SPANXN4: variants seen among roughly 807,000 people sequenced by gnomAD.
SPANXN4 encodes sperm protein associated with the nucleus on the X chromosome N4.
Under a neutral mutation model 6.0 loss-of-function variants are expected in SPANXN4, and 5 were observed. The ratio of observed to expected loss-of-function variants is 0.83; its 90% CI spans 0.44 to 1.75. SPANXN4 has a LOEUF of 1.75. Among genes scored for constraint, SPANXN4 ranks in the 40% most tolerant of loss-of-function variants. SPANXN4 has a pLI of 0.02. For synonymous variants in SPANXN4, 45 were observed against 38.0 expected, an observed-to-expected ratio of 1.19 and a Z score of -0.68; for missense variants, 157 against 108.6, an observed-to-expected ratio of 1.45 and a Z score of -1.98.
chrX:143,035,332 TG>T (rs1312396884), downstream of SPANXN4, among the ~76,000 whole-genome samples: 1 of 110,711 alleles, frequency 9.0e-6, no homozygotes, highest in Non-Finnish European at 1.9e-5. Context: ...TGTCAATACA[TG>T]TTTTTTTTAT....
At chrX:143,032,470 G>C (rs1254514195) in intron 1 of SPANXN4, among the ~76,000 whole-genome samples, 2 of 109,876 alleles carry the variant, frequency 1.8e-5, no homozygotes, top group Non-Finnish European at 3.8e-5. Flanking sequence ...ATGTTGGGAG[G>C]GGGACTGAGA....
rs73560198 is a variant in SPANXN4 at position 143,033,795 on chromosome X, A to T, written c.79-233A>T. On this transcript the variant is annotated intron_variant, in intron 1 of 2. Transcript: ENST00000370504. ...ATGTTTCACTTTGACCGAGGTCTGC[A>T]TAATAGCAGGGAGCTTACAAAGTCA... Among the ~76,000 whole-genome samples, 630 of 111,634 alleles carry T rather than the reference A, an allele frequency of 5.6e-3. 6 individuals are homozygous for T. Among genetic ancestry groups the T allele is most frequent in the African/African-American group, 0.019 (593 of 30,656 alleles).
At chrX:143,026,215 C>T in intron 1 of SPANXN4, 123 bp downstream of exon 1, 1 of 564,571 alleles carries the variant, frequency 1.8e-6, no homozygotes, top group Non-Finnish European at 2.8e-6. Flanking sequence ...CAGCTTCATG[C>T]CAGAGCCCAC....
intron 1 of SPANXN4, among the ~76,000 whole-genome samples, chrX:143,031,797 A>G (rs1932811089): frequency 9.0e-6 from 1 of 111,242 alleles, no homozygotes; most frequent in South Asian, 3.8e-4. Context: ...AGTTTTTTTA[A>G]GTTTCTTTTG....
chrX:143,030,466 G>C (rs867851355), intron 1 of SPANXN4, among the ~76,000 whole-genome samples: 2 of 110,392 alleles, frequency 1.8e-5, no homozygotes, highest in Admixed American at 9.6e-5. Context: ...CTAAAATGAA[G>C]GGGAAGTTCA....
At chrX:143,027,449 G>A (rs1932785013) in intron 1 of SPANXN4, among the ~76,000 whole-genome samples, 1 of 111,117 alleles carries the variant, frequency 9.0e-6, no homozygotes, top group South Asian at 3.8e-4. Context: ...GGGAGGGGTT[G>A]GTAAGAGGTG....
At chrX:143,037,308 T>C (rs1217777587), downstream of SPANXN4, among the ~76,000 whole-genome samples, 5 of 111,881 alleles carry the variant, frequency 4.5e-5, no homozygotes, top group Non-Finnish European at 9.4e-5. Flanking sequence ...CAATACCTCA[T>C]ATCATTTCTT....
At chrX:143,030,646 C>T (rs1213418511) in intron 1 of SPANXN4, among the ~76,000 whole-genome samples, 1 of 110,180 alleles carries the variant, frequency 9.1e-6, no homozygotes, top group Admixed American at 9.6e-5. Context: ...GTGAAAAAGG[C>T]ATCTTTTAGA....
chrX:143,033,435 G>C (rs772365434), intron 1 of SPANXN4, among the ~76,000 whole-genome samples: 45 of 111,283 alleles, frequency 4.0e-4, no homozygotes, highest in Non-Finnish European at 7.0e-4. Context: ...GACACACAAA[G>C]AGGGGACCAC....
At chrX:143,030,194 CAAG>C (rs963078152) in intron 1 of SPANXN4, among the ~76,000 whole-genome samples, 2 of 110,436 alleles carry the variant, frequency 1.8e-5, no homozygotes, top group African/African-American at 3.3e-5. Flanking sequence ...CCACAAGGCT[CAAG>C]AAGGAGAAGA....
chrX:143,027,549 G>A (rs1419609224), intron 1 of SPANXN4, among the ~76,000 whole-genome samples: 2 of 111,375 alleles, frequency 1.8e-5, no homozygotes, highest in Non-Finnish European at 3.8e-5. Flanking sequence ...CAGTGTGGGT[G>A]GATCTGATAG....
At chrX:143,034,818 G>C (rs1932835439), downstream of SPANXN4, 1 of 950,218 alleles carries the variant, frequency 1.1e-6, no homozygotes. Flanking sequence ...AGAAACTCTA[G>C]GTGGAGCAGT....
At chrX:143,034,296 C>A in intron 2 of SPANXN4, 1 of 1,096,186 alleles carries the variant, frequency 9.1e-7, no homozygotes, top group Non-Finnish European at 1.2e-6. Context: ...ACAATAAAAT[C>A]AGTTTGAGGA....
chrX:143,035,021 A>G (rs1172855541), downstream of SPANXN4, among the ~76,000 whole-genome samples: 1 of 104,943 alleles, frequency 9.5e-6, no homozygotes, highest in Non-Finnish European at 2.0e-5. Flanking sequence ...GCTTGCAGTG[A>G]ACCGAGATGG....
downstream of SPANXN4, among the ~76,000 whole-genome samples, chrX:143,036,973 C>T (rs62601934): frequency 0.093 from 10,279 of 110,896 alleles, 618 homozygotes; most frequent in African/African-American, 0.21. Context: ...GACATCTATA[C>T]GCATATGACA....
exon 2 of SPANXN4, chrX:143,034,096 A>C (rs1241240837): frequency 8.5e-7 from 1 of 1,179,806 alleles, no homozygotes. Flanking sequence ...CAAAATATCC[A>C]ACATTAGTGT....
intron 1 of SPANXN4, among the ~76,000 whole-genome samples, 186 bp downstream of exon 1, chrX:143,026,278 G>C (rs1932777761): frequency 8.9e-6 from 1 of 111,861 alleles, no homozygotes; most frequent in African/African-American, 3.3e-5. Context: ...GGTTTGGGCA[G>C]TATGGCTGGC....
chrX:143,031,524 G>A (rs1932809659), intron 1 of SPANXN4, among the ~76,000 whole-genome samples: 1 of 111,369 alleles, frequency 9.0e-6, no homozygotes. Context: ...AACACAGATG[G>A]GGCGAGGTTT....
chrX:143,034,331 CT>C lies in SPANXN4; in HGVS notation c.283+106del. ...AGCTGATGACTGTGTATACCTCTGC[CT>C]TTTTTTCTGATGGTGGGGAGGAAGG... On this transcript the variant is annotated intron_variant, in intron 2 of 2. Coordinates refer to ENST00000370504, the Ensembl canonical transcript of SPANXN4. 4.8e-6 allele frequency: 5 copies of C among 1,039,323 alleles called. No individual in the cohort carries two copies. Among genetic ancestry groups the C allele is most frequent in the African/African-American group, 1.9e-5 (1 of 52,249 alleles). The allele number at this position is 1,039,323 out of a possible 1,213,427, so 85.7% of individuals were successfully genotyped here. A position where few individuals can be genotyped will look rare whatever the true frequency, so the allele number is the denominator to read the frequency against.
Sources: allele counts gnomAD v4.1 joint callset (sites outside exome capture counted in the v4.1 genomes callset), GRCh38; gene constraint gnomAD v4.1.1; transcripts MANE v1.5; gene names NCBI Gene and HGNC (gene_info 2026-07-23, HGNC 2026-07-21).